BFSP1: variants seen among roughly 807,000 people sequenced by gnomAD.
The protein encoded by BFSP1 is filensin.
A neutral mutation model predicts 43.9 loss-of-function variants in BFSP1; 38 were observed. The ratio of observed to expected loss-of-function variants is 0.87; its 90% CI spans 0.67 to 1.14. The LOEUF (loss-of-function observed/expected upper bound fraction) is 1.14, where lower values mean the gene tolerates loss of function less well. Among genes scored for constraint, BFSP1 ranks in the 50% most tolerant of loss-of-function variants. The pLI, the probability that BFSP1 is intolerant of heterozygous loss-of-function variation, is 0.00. For synonymous variants in BFSP1, 352 were observed against 354.8 expected, an observed-to-expected ratio of 0.99 and a Z score of 0.09; for missense variants, 850 against 875.1, an observed-to-expected ratio of 0.97 and a Z score of 0.36.
chr20:17,558,200 A>G (rs550800454), intron 1 of BFSP1, among the ~76,000 whole-genome samples: 9 of 150,512 alleles, frequency 6.0e-5, no homozygotes, highest in Non-Finnish European at 1.2e-4. Flanking sequence ...CTTCAACCTC[A>G]TTAATTTTTA....
chr20:17,514,165 C>A (rs555865449), intron 3 of BFSP1, among the ~76,000 whole-genome samples: 10 of 152,330 alleles, frequency 6.6e-5, no homozygotes, highest in Admixed American at 2.0e-4. Context: ...GGAGAGCCTG[C>A]ATTTGCATTT....
chr20:17,509,202 T>C (rs945764821), intron 4 of BFSP1, among the ~76,000 whole-genome samples: 28 of 152,168 alleles, frequency 1.8e-4, no homozygotes, highest in African/African-American at 6.3e-4. Flanking sequence ...GGCCCCATCA[T>C]GTGATTAGGG....
chr20:17,519,908 A>T (rs2034281618), intron 2 of BFSP1, among the ~76,000 whole-genome samples: 1 of 152,210 alleles, frequency 6.6e-6, no homozygotes, highest in South Asian at 2.1e-4. Context: ...CAGAACTCAG[A>T]AATGTGTAGA....
intron 1 of BFSP1, among the ~76,000 whole-genome samples, chr20:17,549,225 T>A (rs2034856065): frequency 6.6e-6 from 1 of 152,220 alleles, no homozygotes; most frequent in Non-Finnish European, 1.5e-5. Flanking sequence ...AAATATCACA[T>A]CTTTGAATTA....
At position 17,494,220 on chromosome 20, in the gene BFSP1, C is replaced by G. The variant is rs891294623; in HGVS notation, c.1852G>C (p.Ala618Pro). 6.2e-7 allele frequency: 1 copy of G among 1,614,062 alleles called. No individual in the cohort carries two copies. Among genetic ancestry groups the G allele is most frequent in the African/African-American group, 1.3e-5 (1 of 74,950 alleles). The change falls in exon 8 of 8, where the codon GCC (alanine) becomes CCC (proline). Residue 618 changes from alanine to proline, a missense_variant. By Grantham distance (27) the Ala-to-Pro change is conservative. Coordinates refer to ENST00000377873, the MANE Select transcript of BFSP1 (RefSeq NM_001195.5). Reference sequence around the variant, plus strand: ...TCCACCACTTCCACTGTCTTATAGGCCAAAGCCTTGGGAGGGCCTTTTTCT... The same window carrying G: ...TCCACCACTTCCACTGTCTTATAGGGCAAAGCCTTGGGAGGGCCTTTTTCT... Reference protein sequence around the residue: ...LPEKGPPKALAYKTVEVVESI... With the variant: ...LPEKGPPKALPYKTVEVVESI...
At chr20:17,547,026 C>CAAAAA (rs11324389) in intron 1 of BFSP1, among the ~76,000 whole-genome samples, 6 of 77,580 alleles carry the variant, frequency 7.7e-5, no homozygotes, top group Non-Finnish European at 9.8e-5. Flanking sequence ...GACTCCATCT[C>CAAAAA]AAAAAAAAAA....
intron 1 of BFSP1, chr20:17,541,251 G>T (rs1350975929): frequency 1.0e-6 from 1 of 982,292 alleles, no homozygotes; most frequent in Non-Finnish European, 1.2e-6. Flanking sequence ...TGAAATAAAA[G>T]ATAAAGTTTT....
chr20:17,514,829 C>A lies in BFSP1; in HGVS notation c.439-13G>T. ...CTTCATCAGCTTCCTGCAATGAGAG[C>A]CACATATCCCTGGCCACAGGCACCA... On this transcript the variant is annotated splice_polypyrimidine_tract_variant and intron_variant, in intron 2 of 7. Coordinates refer to ENST00000377873, the MANE Select transcript of BFSP1 (RefSeq NM_001195.5). The A allele has an allele frequency of 6.2e-7, 1 of 1,611,878 alleles. No homozygotes were observed. Among genetic ancestry groups the A allele is most frequent in the Non-Finnish European group, 8.5e-7 (1 of 1,178,758 alleles).
intron 2 of BFSP1, among the ~76,000 whole-genome samples, chr20:17,516,430 G>T (rs1215199303): frequency 6.6e-6 from 1 of 152,186 alleles, no homozygotes; most frequent in Non-Finnish European, 1.5e-5. Flanking sequence ...ATTGTCTGAT[G>T]CTGACAAGAA....
At chr20:17,503,309 C>T (rs967228336) in intron 5 of BFSP1, among the ~76,000 whole-genome samples, 2 of 152,180 alleles carry the variant, frequency 1.3e-5, no homozygotes, top group Non-Finnish European at 2.9e-5. Context: ...GGATTACAGG[C>T]GTGAGCCATA....
Position 17,531,339 on chromosome 20 carries a change from G to C in BFSP1, c.-10C>G. On this transcript the variant is annotated 5_prime_UTR_variant, in exon 1 of 8. Transcript: ENST00000377873. ...AGCTGCGCCGGTACATGGCTGCTCT[G>C]GCGCGGGCGCGCGGGCGGCGCCGAG... The C allele has an allele frequency of 7.2e-7, 1 of 1,390,868 alleles. No individual in the cohort carries two copies. The highest frequency in any genetic ancestry group is 9.3e-7 in the Non-Finnish European group (1 of 1,078,294). 86.2% of individuals were successfully genotyped at this position (1,390,868 alleles called of 1,614,324 possible).
At chr20:17,544,426 G>T (rs2034768797) in intron 1 of BFSP1, among the ~76,000 whole-genome samples, 1 of 152,148 alleles carries the variant, frequency 6.6e-6, no homozygotes, top group Non-Finnish European at 1.5e-5. Flanking sequence ...GGGTACGGGG[G>T]TGCAGCACAG....
rs755667645 is a variant in BFSP1, at chr20:17,524,858, C to T, written c.428G>A (p.Arg143Gln). The T allele has an allele frequency of 6.2e-6, 10 of 1,614,008 alleles. No individual in the cohort carries two copies. Among genetic ancestry groups the T allele is most frequent in the East Asian group, 2.2e-5 (1 of 44,878 alleles). The change falls in exon 2 of 8, where the codon CGG becomes CAG. Residue 143 changes from arginine to glutamine, a missense_variant. Physicochemically the swap from Arg to Gln is conservative, Grantham distance 43 (BLOSUM62 1). Coordinates refer to ENST00000377873, the MANE Select transcript of BFSP1 (RefSeq NM_001195.5). ...ATGTGTTCCGCTCACCTTGTTAAGC[C>T]GTTCAAGCATTTCTTTTAGCAGGAG... Reference protein sequence around the residue: ...CQLLLKEMLERLNKEADEALL... With the variant: ...CQLLLKEMLEQLNKEADEALL...
At chr20:17,557,481 G>A (rs56065362) in intron 1 of BFSP1, among the ~76,000 whole-genome samples, 47 of 152,142 alleles carry the variant, frequency 3.1e-4, no homozygotes, top group South Asian at 8.3e-4. Flanking sequence ...CCCCTACAAC[G>A]TATTCTAGTG....
chr20:17,529,017 T>A (rs1319567370), intron 1 of BFSP1, among the ~76,000 whole-genome samples: 1 of 152,206 alleles, frequency 6.6e-6, no homozygotes, highest in Non-Finnish European at 1.5e-5. Flanking sequence ...TATTTTAAAA[T>A]TCATTTATGT....
At chr20:17,528,706 T>G (rs1384413535) in intron 1 of BFSP1, among the ~76,000 whole-genome samples, 1 of 152,182 alleles carries the variant, frequency 6.6e-6, no homozygotes, top group East Asian at 1.9e-4. Flanking sequence ...CAAGTGGATT[T>G]TCAGGTCCCT....
In BFSP1 at chr20:17,510,734, C is replaced by T. The variant is rs181628354; in HGVS notation, c.627+1242G>A. On this transcript the variant is annotated intron_variant, in intron 4 of 7. Coordinates refer to ENST00000377873, the MANE Select transcript of BFSP1 (RefSeq NM_001195.5). ...CTGCATGCTGGTCCTGGGCAGGCCC[C>T]ACCTCCTGGGAAGCCCATTCATTGA... is the stretch of plus-strand genomic sequence containing the variant. Among the ~76,000 whole-genome samples, 510 of 152,298 alleles carry T rather than the reference C, an allele frequency of 3.3e-3. 3 individuals are homozygous for T. Among genetic ancestry groups the T allele is most frequent in the Non-Finnish European group, 5.5e-3 (371 of 68,024 alleles).
At chr20:17,553,814 C>CATATATATAT in intron 1 of BFSP1, among the ~76,000 whole-genome samples, 1 of 100,078 alleles carries the variant, frequency 1.0e-5, no homozygotes, top group South Asian at 2.9e-4. Flanking sequence ...CACACACACA[C>CATATATATAT]ACACACACAC....
intron 3 of BFSP1, among the ~76,000 whole-genome samples, chr20:17,513,017 T>C (rs996470345): frequency 1.3e-5 from 2 of 152,122 alleles, no homozygotes; most frequent in Admixed American, 1.3e-4. Context: ...GGTCATCTTG[T>C]CCAGGAAGCT....
Sources: allele counts gnomAD v4.1 joint callset (sites outside exome capture counted in the v4.1 genomes callset), GRCh38; gene constraint gnomAD v4.1.1; transcripts MANE v1.5; gene names NCBI Gene and HGNC (gene_info 2026-07-23, HGNC 2026-07-21).